BCAR3: variants seen among roughly 807,000 people sequenced by gnomAD.
BCAR3 encodes the protein BCAR3 adaptor protein, NSP family member.
Under a neutral mutation model 80.1 loss-of-function variants are expected in BCAR3, and 37 were observed. That is an observed-to-expected ratio of 0.46 (90% CI 0.36 to 0.61). The LOEUF (loss-of-function observed/expected upper bound fraction) is 0.61. Ranked by LOEUF, BCAR3 falls within the 20% of genes least tolerant of loss-of-function variation. The pLI is 0.00. For missense variants in BCAR3, 978 were observed against 1,068.2 expected, an observed-to-expected ratio of 0.92 and a Z score of 1.18; for synonymous variants, 389 against 418.9, an observed-to-expected ratio of 0.93 and a Z score of 0.87.
At chr1:93,833,254 G>T (rs1654639721) in intron 2 of BCAR3, among the ~76,000 whole-genome samples, 2 of 152,246 alleles carry the variant, frequency 1.3e-5, no homozygotes, top group South Asian at 4.1e-4. Context: ...AATAGTGTGG[G>T]TCACAGAGAT....
chr1:93,618,235 C>G (rs1030250605), intron 3 of BCAR3, among the ~76,000 whole-genome samples: 1 of 152,216 alleles, frequency 6.6e-6, no homozygotes, highest in Admixed American at 6.5e-5. Context: ...CCTCTGGCCC[C>G]CTTTGTGTAT....
intron 3 of BCAR3, among the ~76,000 whole-genome samples, chr1:93,633,848 CA>C (rs1675697984): frequency 6.6e-6 from 1 of 152,200 alleles, no homozygotes; most frequent in Non-Finnish European, 1.5e-5. Context: ...CCATGTTGGC[CA>C]AGCTGGTCTC....
At chr1:93,614,964 T>C (rs980245611) in intron 3 of BCAR3, among the ~76,000 whole-genome samples, 19 of 151,534 alleles carry the variant, frequency 1.3e-4, no homozygotes, top group African/African-American at 4.4e-4. Context: ...AACTAACTGC[T>C]TTTCCCTTCA....
At chr1:93,715,295 T>G (rs574004448) in intron 2 of BCAR3, among the ~76,000 whole-genome samples, 1 of 152,256 alleles carries the variant, frequency 6.6e-6, no homozygotes, top group Non-Finnish European at 1.5e-5. Flanking sequence ...TTAGAAATGT[T>G]TTCTTAACTT....
At chr1:93,732,862 C>T (rs1650840442) in intron 2 of BCAR3, among the ~76,000 whole-genome samples, 1 of 152,236 alleles carries the variant, frequency 6.6e-6, no homozygotes, top group Admixed American at 6.5e-5. Flanking sequence ...TTGATACAGA[C>T]TGAGAACTGC....
intron 3 of BCAR3, among the ~76,000 whole-genome samples, chr1:93,688,435 T>G (rs1649048334): frequency 6.6e-6 from 1 of 152,194 alleles, no homozygotes; most frequent in South Asian, 2.1e-4. Flanking sequence ...TCACTAATTA[T>G]CTTCTTAATT....
intron 2 of BCAR3, among the ~76,000 whole-genome samples, chr1:93,769,629 C>T (rs1652284219): frequency 6.6e-6 from 1 of 151,894 alleles, no homozygotes; most frequent in Non-Finnish European, 1.5e-5. Flanking sequence ...GAGGTGTTTT[C>T]CTCTCTTTCT....
chr1:93,847,146 G>A (rs933073862), exon 1 of BCAR3: 3 of 220,564 alleles, frequency 1.4e-5, no homozygotes, highest in Non-Finnish European at 1.9e-5. Flanking sequence ...TCACCGGCCC[G>A]GCTTAACGGT....
At chr1:93,631,207 C>T (rs1328721273) in intron 3 of BCAR3, among the ~76,000 whole-genome samples, 1 of 152,086 alleles carries the variant, frequency 6.6e-6, no homozygotes, top group African/African-American at 2.4e-5. Flanking sequence ...TGGCCTTCTC[C>T]CTCTACACCT....
chr1:93,781,148 C>G (rs1002922382), intron 2 of BCAR3, among the ~76,000 whole-genome samples: 2 of 152,260 alleles, frequency 1.3e-5, no homozygotes, highest in African/African-American at 4.8e-5. Context: ...AGTCAGCAAG[C>G]TTTCTTGGAG....
chr1:93,676,534 T>C (rs755672559), intron 1 of BCAR3, among the ~76,000 whole-genome samples: 3 of 152,184 alleles, frequency 2.0e-5, no homozygotes, highest in Non-Finnish European at 4.4e-5. Context: ...GAAGGTCTGC[T>C]CACAGTGGGT....
At chr1:93,690,293 A>G (rs986158663) in intron 3 of BCAR3, among the ~76,000 whole-genome samples, 7 of 152,180 alleles carry the variant, frequency 4.6e-5, no homozygotes, top group African/African-American at 1.7e-4. Context: ...ATGTTATTCT[A>G]AACTGACTTT....
intron 2 of BCAR3, among the ~76,000 whole-genome samples, chr1:93,813,305 C>T (rs749820181): frequency 1.3e-5 from 2 of 152,078 alleles, no homozygotes; most frequent in Admixed American, 1.3e-4. Flanking sequence ...CAGTCCAGGG[C>T]AAAGGTCAGG....
At chr1:93,572,357 G>T (rs1040872494) in intron 8 of BCAR3, among the ~76,000 whole-genome samples, 2 of 152,220 alleles carry the variant, frequency 1.3e-5, no homozygotes, top group African/African-American at 2.4e-5. Context: ...GAAAGAGGAG[G>T]TAAGAATGGT....
chr1:93,607,065 A>T (rs1422245190), intron 3 of BCAR3, among the ~76,000 whole-genome samples: 1 of 152,224 alleles, frequency 6.6e-6, no homozygotes, highest in African/African-American at 2.4e-5. Flanking sequence ...TATGATATAC[A>T]GAGGGACATA....
chr1:93,587,329 G>C (rs1286833789), intron 5 of BCAR3, among the ~76,000 whole-genome samples: 1 of 152,176 alleles, frequency 6.6e-6, no homozygotes, highest in Non-Finnish European at 1.5e-5. Flanking sequence ...CTGGGTCTGA[G>C]TCTGACATTC....
intron 2 of BCAR3, among the ~76,000 whole-genome samples, chr1:93,757,693 C>A (rs180994572): frequency 2.4e-3 from 371 of 152,294 alleles, no homozygotes; most frequent in Non-Finnish European, 3.7e-3. Context: ...CCCTCCCAAT[C>A]TCTTGGGTGT....
At chr1:93,568,589 G>A (rs547858209) in intron 9 of BCAR3, among the ~76,000 whole-genome samples, 3 of 152,258 alleles carry the variant, frequency 2.0e-5, no homozygotes, top group South Asian at 2.1e-4. Flanking sequence ...TGTACCTGAA[G>A]AATTTTGAAA....
At chr1:93,747,085 G>A (rs1651385180) in intron 2 of BCAR3, among the ~76,000 whole-genome samples, 1 of 152,102 alleles carries the variant, frequency 6.6e-6, no homozygotes, top group South Asian at 2.1e-4. Context: ...CTTTATGGCT[G>A]AGCAGCCCCT....
Sources: allele counts gnomAD v4.1 joint callset (sites outside exome capture counted in the v4.1 genomes callset), GRCh38; gene constraint gnomAD v4.1.1; transcripts MANE v1.5; gene names NCBI Gene and HGNC (gene_info 2026-07-23, HGNC 2026-07-21).